Variants in KCNAB2 observed in about 807,000 individuals in gnomAD.
The protein encoded by KCNAB2 is potassium voltage-gated channel subfamily A regulatory beta subunit 2, also known as voltage-gated potassium channel subunit beta-2.
KCNAB2 carries 29 observed loss-of-function variants against 63.6 expected under a neutral mutation model. The ratio of observed to expected loss-of-function variants is 0.46; its 90% CI spans 0.34 to 0.62. The LOEUF (loss-of-function observed/expected upper bound fraction) is 0.62. Among genes scored for constraint, KCNAB2 ranks in the 20% least tolerant of loss-of-function variants. KCNAB2 has a pLI of 0.01. For synonymous variants in KCNAB2, 222 were observed against 224.2 expected (o/e 0.99, Z 0.09); for missense variants, 359 against 563.9 (o/e 0.64, Z 3.68).
upstream of KCNAB2, among the ~76,000 whole-genome samples, chr1:6,032,302 C>T (rs765654382): frequency 1.8e-4 from 27 of 152,122 alleles, no homozygotes; most frequent in Non-Finnish European, 2.4e-4. Context: ...GAGCAGTGGC[C>T]GGTTGCGGTG....
chr1:6,018,427 A>C (rs920007936), intron 1 of KCNAB2, among the ~76,000 whole-genome samples: 1 of 152,030 alleles, frequency 6.6e-6, no homozygotes, highest in Admixed American at 6.5e-5. Flanking sequence ...TGATGGTATT[A>C]AGAGGTGGGG....
At chr1:6,046,571 G>A (rs1290272628) in intron 1 of KCNAB2, among the ~76,000 whole-genome samples, 1 of 152,250 alleles carries the variant, frequency 6.6e-6, no homozygotes, top group East Asian at 1.9e-4. Context: ...TGTCAGGGAG[G>A]TTTGGTCTTG....
Position 6,099,708 on chromosome 1 carries a change from G to A in KCNAB2, c.*1134G>A. Reference sequence around the variant, plus strand: ...GGTTTTCTGTGCCCATGACTTGGGGGCTGCACCCCCACAGCACCCCCACAA... The same window carrying A: ...GGTTTTCTGTGCCCATGACTTGGGGACTGCACCCCCACAGCACCCCCACAA... On this transcript the variant is annotated 3_prime_UTR_variant, in exon 16 of 16. Transcript: ENST00000378083. The A allele has an allele frequency of 7.0e-7, 1 of 1,421,620 alleles. No individual in the cohort carries two copies. The highest frequency in any genetic ancestry group is 1.5e-5 in the South Asian group (1 of 66,398). 88.1% of individuals were successfully genotyped at this position (1,421,620 alleles called of 1,614,324 possible). A position where few individuals can be genotyped will look rare whatever the true frequency, so the allele number is the denominator to read the frequency against.
intron 1 of KCNAB2, chr1:6,026,436 T>C (rs1659185469): frequency 1.3e-5 from 2 of 152,322 alleles, no homozygotes; most frequent in Non-Finnish European, 2.9e-5. Flanking sequence ...TCGTTCCCGT[T>C]CAGGAGCAGG....
At chr1:6,033,414 G>T (rs1484271446), upstream of KCNAB2, among the ~76,000 whole-genome samples, 1 of 151,168 alleles carries the variant, frequency 6.6e-6, no homozygotes, top group Non-Finnish European at 1.5e-5. Context: ...CTGTATGTGT[G>T]CATGTCTGTG....
At chr1:6,030,748 A>G (rs140008695), upstream of KCNAB2, among the ~76,000 whole-genome samples, 3 of 146,662 alleles carry the variant, frequency 2.0e-5, no homozygotes, top group East Asian at 4.1e-4. Flanking sequence ...ATGTGTGTAT[A>G]TGTGTGTATG....
intron 1 of KCNAB2, among the ~76,000 whole-genome samples, chr1:6,050,543 T>C (rs924174178): frequency 6.6e-6 from 1 of 152,246 alleles, no homozygotes; most frequent in Non-Finnish European, 1.5e-5. Flanking sequence ...GCTTTCTCCC[T>C]TGGCCTTTTA....
chr1:6,084,682 G>A (rs1420646257), intron 5 of KCNAB2, among the ~76,000 whole-genome samples: 7 of 152,094 alleles, frequency 4.6e-5, no homozygotes, highest in Non-Finnish European at 1.0e-4. Flanking sequence ...CGGGCGTGGT[G>A]GCAGGTGCCT....
intron 1 of KCNAB2, among the ~76,000 whole-genome samples, chr1:6,021,889 A>T (rs968646351): frequency 8.7e-5 from 13 of 149,304 alleles, no homozygotes; most frequent in South Asian, 6.4e-4. Flanking sequence ...TATTGAGTGT[A>T]CAGTTCAGTG....
rs1659357076 is a variant in KCNAB2, at chr1:6,028,438, G to A, written c.-52-12079G>A. ...AGGGGGGACCTCCGGGGTTCCAGAAGCAACATGCAAAATAACATCAGTTCA... is the reference window on the plus strand; with the variant it reads ...AGGGGGGACCTCCGGGGTTCCAGAAACAACATGCAAAATAACATCAGTTCA... On this transcript the variant is annotated intron_variant, in intron 1 of 16. Coordinates refer to the KCNAB2 transcript ENST00000341524. This position sits in a 1 kb window ranked among gnomAD's most constrained non-coding sequence, Gnocchi z 4.0. Among the ~76,000 whole-genome samples, 1 of 152,216 alleles carries A rather than the reference G, an allele frequency of 6.6e-6. No individual in the cohort carries two copies. Among genetic ancestry groups the A allele is most frequent in the South Asian group, 2.1e-4 (1 of 4,834 alleles).
At chr1:6,085,004 G>A (rs1379907949) in intron 5 of KCNAB2, among the ~76,000 whole-genome samples, 200 bp from the exon 6 acceptor site, 1 of 152,184 alleles carries the variant, frequency 6.6e-6, no homozygotes, top group South Asian at 2.1e-4. Flanking sequence ...CTAGTGGGGG[G>A]CAATAACACA....
chr1:6,038,666 G>C (rs536510588), intron 1 of KCNAB2, among the ~76,000 whole-genome samples: 1 of 152,282 alleles, frequency 6.6e-6, no homozygotes, highest in East Asian at 1.9e-4. Flanking sequence ...CGTTATTAGG[G>C]GGACCTAGAC....
In KCNAB2 at chr1:6,069,849, C is replaced by T. The variant is rs1663053414; in HGVS notation, c.219-2906C>T. 6.6e-6 allele frequency among the ~76,000 whole-genome samples: 1 copy of T among 152,176 alleles called. No individual in the cohort carries two copies. The highest frequency in any genetic ancestry group is 1.5e-5 in the Non-Finnish European group (1 of 68,036). On this transcript the variant is annotated intron_variant, in intron 2 of 15. Coordinates refer to ENST00000378083, the MANE Select transcript of KCNAB2 (RefSeq NM_001199862.2). The surrounding 1 kb of genome is among the most constrained non-coding windows in gnomAD (Gnocchi z 5.4). ...GGGTAATTGCGGCATCACGTGGTGC[C>T]CTAGTTTTGTTAAATTAGTCCTGTG...
chr1:6,040,146 C>T (rs1238125075), intron 1 of KCNAB2, among the ~76,000 whole-genome samples: 1 of 152,252 alleles, frequency 6.6e-6, no homozygotes, highest in Non-Finnish European at 1.5e-5. Flanking sequence ...AGAAAGTACA[C>T]AGATGCCCCC....
intron 11 of KCNAB2, 64 bp downstream of exon 11, chr1:6,094,549 G>T: frequency 7.3e-7 from 1 of 1,377,162 alleles, no homozygotes. Flanking sequence ...TGCGTATGGA[G>T]ACCCCAAAGC....
chr1:6,003,630 C>CTATTA lies in KCNAB2; in HGVS notation c.-53+10843_-53+10847dup, dbSNP rs1657388714. Among the ~76,000 whole-genome samples the CTATTA allele has an allele frequency of 2.6e-5, 4 of 152,164 alleles. No individual in the cohort carries two copies. In the South Asian group the frequency reaches 8.3e-4, roughly 31 times the overall value. ...ATCTCGCTTTATTTCCTCTCTTGAACTATTAGGATAAAGTCACAGAGGTAG... is the reference window on the plus strand; with the variant it reads ...ATCTCGCTTTATTTCCTCTCTTGAACTATTATATTAGGATAAAGTCACAGAGGTAG... On this transcript the variant is annotated intron_variant, in intron 1 of 16. Coordinates refer to the KCNAB2 transcript ENST00000341524. The surrounding 1 kb of genome is among the most constrained non-coding windows in gnomAD (Gnocchi z 4.1).
At chr1:6,014,409 A>G (rs758273097) in intron 1 of KCNAB2, among the ~76,000 whole-genome samples, 17 of 152,272 alleles carry the variant, frequency 1.1e-4, no homozygotes, top group Non-Finnish European at 2.2e-4. Context: ...TGTGCTAATC[A>G]TGAAGTAACA....
chr1:6,047,101 G>A (rs1435195681), intron 1 of KCNAB2, among the ~76,000 whole-genome samples: 1 of 152,194 alleles, frequency 6.6e-6, no homozygotes, highest in Non-Finnish European at 1.5e-5. Context: ...GTTTTTCTTG[G>A]TACCAGGGTG....
At chr1:6,072,162 C>T (rs1220259375) in intron 2 of KCNAB2, among the ~76,000 whole-genome samples, 2 of 152,188 alleles carry the variant, frequency 1.3e-5, no homozygotes, top group Non-Finnish European at 2.9e-5. Context: ...GGTTAGGAGG[C>T]CTACGCTGCC....
Sources: gnomAD v4.1 joint callset for allele counts (sites outside exome capture counted in the v4.1 genomes callset) on GRCh38, gnomAD v4.1.1 for gene constraint, Gnocchi (gnomAD v3.1) non-coding constraint, MANE v1.5 for transcripts, NCBI Gene and HGNC (gene_info 2026-07-23, HGNC 2026-07-21) for gene names.